Variants in KANK2 observed in about 807,000 individuals in gnomAD.
KANK2 encodes KN motif and ankyrin repeat domain-containing protein 2.
KANK2 carries 41 observed loss-of-function variants against 74.6 expected under a neutral mutation model. The observed-to-expected ratio is 0.55, with a 90% confidence interval of 0.43 to 0.71. The LOEUF (loss-of-function observed/expected upper bound fraction) is 0.71. Ranked by LOEUF, KANK2 falls within the 30% of genes least tolerant of loss-of-function variation. The pLI, the probability that KANK2 is intolerant of heterozygous loss-of-function variation, is 0.00. For synonymous variants in KANK2, 537 were observed against 519.0 expected (o/e 1.03, Z -0.47); for missense variants, 1,148 against 1,196.4 (o/e 0.96, Z 0.60).
intron 4 of KANK2, chr19:11,192,625 G>A (rs997927737): frequency 1.0e-5 from 6 of 573,734 alleles, no homozygotes; most frequent in Non-Finnish European, 1.9e-5. Flanking sequence ...TAGTAGAGAT[G>A]GGTTTCACCA....
chr19:11,176,873 G>A, intron 6 of KANK2, 56 bp from the exon 7 acceptor site: 1 of 1,481,362 alleles, frequency 6.8e-7, no homozygotes, highest in South Asian at 1.4e-5. Context: ...AGAAATGGTG[G>A]GAAAGGAAGG....
In KANK2 at chr19:11,178,143, T is replaced by C. The variant is rs534573326; in HGVS notation, c.1520+202A>G. The stretch of plus-strand genomic sequence containing the variant: ...GCTCTTGAGCCAGGGCACGCAGGGC[T>C]GACTCCTGGGTCACTGAGTGAGCTC... On this transcript the variant is annotated intron_variant, in intron 6 of 12. Coordinates refer to ENST00000586659, the MANE Select transcript of KANK2 (RefSeq NM_001136191.3). 5.9e-5 allele frequency among the ~76,000 whole-genome samples: 9 copies of C among 152,322 alleles called. No homozygotes were observed. The East Asian group carries it at 1.7e-3, about 29-fold the overall frequency.
intron 4 of KANK2, among the ~76,000 whole-genome samples, chr19:11,190,125 A>C (rs1382993632): frequency 6.3e-5 from 8 of 127,678 alleles, no homozygotes; most frequent in Non-Finnish European, 1.1e-4. Context: ...CTGGTTATTT[A>C]TTTCTTTTTT....
In KANK2 at chr19:11,177,188, G is replaced by C. The variant is rs367680942; in HGVS notation, c.1521-371C>G. ...TGCAAACTCTGCCTCCTGGGTTCAA[G>C]CAATTCTTCTGCCTGAGCCTTCCAA... On this transcript the variant is annotated intron_variant, in intron 6 of 12. Coordinates refer to ENST00000586659, the MANE Select transcript of KANK2 (RefSeq NM_001136191.3). 7.9e-3 allele frequency among the ~76,000 whole-genome samples: 1,131 copies of C among 143,354 alleles called. 6 individuals carry two copies. The highest frequency in any genetic ancestry group is 0.012 in the Non-Finnish European group (794 of 66,706). 94.0% of individuals were successfully genotyped at this position (143,354 alleles called of 152,430 possible). A position where few individuals can be genotyped will look rare whatever the true frequency, so the allele number is the denominator to read the frequency against.
intron 10 of KANK2, among the ~76,000 whole-genome samples, chr19:11,171,403 C>T (rs1159470128): frequency 1.3e-5 from 2 of 151,896 alleles, no homozygotes; most frequent in Admixed American, 6.6e-5. Flanking sequence ...GCTGTGATTG[C>T]ACCACTGCAC....
At chr19:11,179,750 C>T (rs2078458717) in intron 4 of KANK2, among the ~76,000 whole-genome samples, 1 of 152,154 alleles carries the variant, frequency 6.6e-6, no homozygotes, top group Non-Finnish European at 1.5e-5. Flanking sequence ...ACAAAGGTGA[C>T]TTCCTGGATG....
intron 4 of KANK2, among the ~76,000 whole-genome samples, chr19:11,185,846 C>G (rs2078659199): frequency 6.6e-6 from 1 of 151,760 alleles, no homozygotes; most frequent in Admixed American, 6.6e-5. Context: ...CGAGACCAAC[C>G]TGAACAACAG....
intron 12 of KANK2, among the ~76,000 whole-genome samples, chr19:11,168,567 G>T (rs933878707): frequency 1.3e-5 from 2 of 151,994 alleles, no homozygotes; most frequent in Non-Finnish European, 2.9e-5. Flanking sequence ...GTGAGCCACC[G>T]CGCCCAGCCT....
intron 9 of KANK2, 105 bp from the exon 10 acceptor site, chr19:11,173,228 C>T (rs1452701446): frequency 2.4e-6 from 3 of 1,235,776 alleles, no homozygotes; most frequent in African/African-American, 3.0e-5. Context: ...ATGCCCTAAT[C>T]CCTCCCTTTT....
intron 8 of KANK2, 87 bp from the exon 9 acceptor site, chr19:11,174,779 G>T: frequency 9.3e-7 from 1 of 1,072,136 alleles, no homozygotes; most frequent in Non-Finnish European, 1.4e-6. Flanking sequence ...CCGGAGCAAA[G>T]CGTGGTGCCC....
intron 9 of KANK2, 46 bp from the exon 10 acceptor site, chr19:11,173,169 G>C: frequency 6.3e-7 from 1 of 1,583,780 alleles, no homozygotes; most frequent in Non-Finnish European, 8.6e-7. Context: ...CGCTGCTAGT[G>C]GACTGCCCCA....
intron 1 of KANK2, chr19:11,196,376 T>C (rs1157437818): frequency 6.6e-6 from 1 of 152,404 alleles, no homozygotes; most frequent in Non-Finnish European, 1.5e-5. Context: ...ACTCTTTTAA[T>C]TGTCATGACA....
chr19:11,187,182 G>A (rs1185334952), intron 4 of KANK2, among the ~76,000 whole-genome samples: 10 of 151,972 alleles, frequency 6.6e-5, no homozygotes, highest in African/African-American at 1.9e-4. Flanking sequence ...GCTTGAACCC[G>A]GGAGGCAGAG....
At chr19:11,178,088 G>A (rs2078396183) in intron 6 of KANK2, among the ~76,000 whole-genome samples, 1 of 152,170 alleles carries the variant, frequency 6.6e-6, no homozygotes, top group African/African-American at 2.4e-5. Context: ...ACCTTCTGTG[G>A]GGTAGAGCTG....
chr19:11,174,764 C>T lies in KANK2; in HGVS notation c.1849-72G>A, dbSNP rs578046319. On this transcript the variant is annotated intron_variant, in intron 8 of 12. Transcript: ENST00000586659. ...ACTGGGACACCCCCCACCCCAGATG[C>T]GCCCCCGGAGCAAAGCGTGGTGCCC... 175 of 1,253,694 alleles carry T rather than the reference C, an allele frequency of 1.4e-4. 1 individual carries two copies. In the Middle Eastern group the frequency reaches 1.6e-3, roughly 11 times the overall value. 77.7% of individuals were successfully genotyped at this position (1,253,694 alleles called of 1,614,324 possible).
intron 4 of KANK2, chr19:11,192,618 TAG>T: frequency 1.8e-6 from 1 of 542,834 alleles, no homozygotes; most frequent in Non-Finnish European, 3.4e-6. Context: ...GTATTTTTAG[TAG>T]AGATGGGTTT....
chr19:11,186,860 C>T (rs1386591918), intron 4 of KANK2, among the ~76,000 whole-genome samples: 1 of 152,168 alleles, frequency 6.6e-6, no homozygotes, highest in Non-Finnish European at 1.5e-5. Flanking sequence ...TGCAAATCCT[C>T]TAGGAATGGG....
intron 4 of KANK2, among the ~76,000 whole-genome samples, chr19:11,182,427 G>A (rs760976548): frequency 7.9e-5 from 12 of 151,808 alleles, no homozygotes; most frequent in Non-Finnish European, 1.3e-4. Context: ...ATACTTGGCT[G>A]AGATGAAAAG....
intron 12 of KANK2, among the ~76,000 whole-genome samples, chr19:11,167,126 C>T (rs960989884): frequency 1.3e-5 from 2 of 152,098 alleles, no homozygotes; most frequent in South Asian, 2.1e-4. Flanking sequence ...AGTGCAATGG[C>T]ATGATCTCAG....
Sources: gnomAD v4.1 joint callset for allele counts (sites outside exome capture counted in the v4.1 genomes callset) on GRCh38, gnomAD v4.1.1 for gene constraint, MANE v1.5 for transcripts, NCBI Gene and HGNC (gene_info 2026-07-23, HGNC 2026-07-21) for gene names.